Variants in ADGRL2 observed in about 807,000 individuals in gnomAD.
The protein encoded by ADGRL2 is calcium-independent alpha-latrotoxin receptor 2.
Under a neutral mutation model 157.4 loss-of-function variants are expected in ADGRL2, and 44 were observed. That is an observed-to-expected ratio of 0.28 (90% confidence interval 0.22 to 0.36). The LOEUF is 0.36. ADGRL2 is among the 10% of genes least tolerant of loss of function. The pLI is 1.00. For synonymous variants in ADGRL2, 585 were observed against 624.7 expected, an observed-to-expected ratio of 0.94 and a Z score of 0.95; for missense variants, 1,510 against 1,768.9, an observed-to-expected ratio of 0.85 and a Z score of 2.63.
chr1:81,493,642 T>A (rs562678942), intron 2 of ADGRL2, among the ~76,000 whole-genome samples: 2 of 152,300 alleles, frequency 1.3e-5, no homozygotes, highest in Admixed American at 6.5e-5. Context: ...AAGTAATTTC[T>A]ATTTAAGTCT....
At chr1:81,868,366 T>G (rs566395532) in intron 2 of ADGRL2, among the ~76,000 whole-genome samples, 21 of 152,054 alleles carry the variant, frequency 1.4e-4, no homozygotes, top group Non-Finnish European at 2.6e-4. Flanking sequence ...CCCCATAGCT[T>G]AGCAAAGTGA....
At chr1:81,873,644 G>T in intron 2 of ADGRL2, among the ~76,000 whole-genome samples, 1 of 152,024 alleles carries the variant, frequency 6.6e-6, no homozygotes, top group East Asian at 1.9e-4. Flanking sequence ...TGCTGATCAT[G>T]TTAGATAGCA....
upstream of ADGRL2, among the ~76,000 whole-genome samples, chr1:81,695,444 G>A (rs562693198): frequency 6.6e-6 from 1 of 152,010 alleles, no homozygotes; most frequent in Non-Finnish European, 1.5e-5. Flanking sequence ...ATTTCCATCT[G>A]GAAGGAAAGG....
intron 1 of ADGRL2, among the ~76,000 whole-genome samples, chr1:81,743,549 G>A (rs1207971314): frequency 6.6e-6 from 1 of 151,914 alleles, no homozygotes; most frequent in East Asian, 1.9e-4. Context: ...ATTATTATTA[G>A]AAGAATAAAA....
At chr1:81,573,820 C>T (rs910786631) in intron 2 of ADGRL2, among the ~76,000 whole-genome samples, 4 of 152,096 alleles carry the variant, frequency 2.6e-5, no homozygotes, top group Admixed American at 6.6e-5. Flanking sequence ...TTGAGTTTCT[C>T]TTATTATAAG....
intron 2 of ADGRL2, among the ~76,000 whole-genome samples, chr1:81,507,917 A>T (rs1316147736): frequency 2.4e-5 from 3 of 126,252 alleles, no homozygotes; most frequent in African/African-American, 1.4e-4. Flanking sequence ...AGATTACCTT[A>T]TTTAAAGACA....
At chr1:81,706,092 G>A (rs1006526288) in intron 1 of ADGRL2, among the ~76,000 whole-genome samples, 1 of 152,050 alleles carries the variant, frequency 6.6e-6, no homozygotes, top group African/African-American at 2.4e-5. Context: ...CCAGCTACTT[G>A]GGAGGCTGAG....
intron 3 of ADGRL2, among the ~76,000 whole-genome samples, chr1:81,613,550 G>C (rs1340203343): frequency 6.6e-6 from 1 of 152,110 alleles, no homozygotes; most frequent in Non-Finnish European, 1.5e-5. Flanking sequence ...GCAATGAAGA[G>C]TGCAGGGCAG....
In ADGRL2 at chr1:81,438,301, G is replaced by A. The variant is rs1289145925; in HGVS notation, c.-301-6735G>A. On this transcript the variant is annotated intron_variant, in intron 1 of 24. Coordinates refer to the ADGRL2 transcript ENST00000370721. ...ATTTGGCAAGCTGTTTGTTCCCCCA[G>A]AGAACCATTATTAATAAATAAATTG... is the stretch of plus-strand genomic sequence containing the variant. 2.0e-5 allele frequency among the ~76,000 whole-genome samples: 3 copies of A among 152,152 alleles called. No individual in the cohort carries two copies. In the South Asian group the frequency reaches 6.2e-4, roughly 32 times the overall value.
intron 2 of ADGRL2, among the ~76,000 whole-genome samples, chr1:81,482,250 A>G (rs2078404715): frequency 1.3e-5 from 2 of 152,166 alleles, no homozygotes; most frequent in African/African-American, 2.4e-5. Context: ...CCAAACAAAC[A>G]GAAAGTTTGA....
In ADGRL2 at chr1:81,586,293, A is replaced by G. The variant is rs373859764; in HGVS notation, c.-143+5313A>G. The G allele has an allele frequency of 1.2e-4, 18 of 152,128 alleles. No homozygotes were observed. The East Asian group carries it at 3.1e-3, about 26-fold the overall frequency. The allele number at this position is 152,128 out of a possible 1,614,324, so 9.4% of individuals were successfully genotyped here. On this transcript the variant is annotated intron_variant, in intron 3 of 24. Coordinates refer to the ADGRL2 transcript ENST00000370721. ...CAAACAGAAGGGGATAATCGGGCCA[A>G]TTCTTCTATTGTGCGCCCTCCTTCT...
At chr1:81,858,679 TC>T (rs1306464118) in intron 2 of ADGRL2, among the ~76,000 whole-genome samples, 1 of 152,116 alleles carries the variant, frequency 6.6e-6, no homozygotes, top group East Asian at 1.9e-4. Flanking sequence ...GTTGAGTACT[TC>T]CGTCAGGGAC....
chr1:81,671,372 T>C (rs1035048311), intron 3 of ADGRL2, among the ~76,000 whole-genome samples: 2 of 152,216 alleles, frequency 1.3e-5, no homozygotes, highest in African/African-American at 4.8e-5. Context: ...CCATCGGTTT[T>C]AAGGATGAGA....
intron 1 of ADGRL2, among the ~76,000 whole-genome samples, chr1:81,705,091 C>T (rs762418302): frequency 2.6e-5 from 4 of 152,124 alleles, no homozygotes; most frequent in Admixed American, 6.5e-5. Flanking sequence ...CCCGCTCTGT[C>T]GCCCAGGCTG....
intron 2 of ADGRL2, among the ~76,000 whole-genome samples, chr1:81,545,234 T>C (rs1201341812): frequency 1.3e-5 from 2 of 151,818 alleles, no homozygotes; most frequent in African/African-American, 2.4e-5. Context: ...ATATAAGTAG[T>C]GGGATTCAAA....
At chr1:81,332,027 CT>C (rs1661301785) in intron 1 of ADGRL2, among the ~76,000 whole-genome samples, 1 of 152,104 alleles carries the variant, frequency 6.6e-6, no homozygotes, top group South Asian at 2.1e-4. Context: ...AACACAAACT[CT>C]TTCCATGGGC....
At chr1:81,961,782 T>TTA (rs1655489322) in intron 11 of ADGRL2, among the ~76,000 whole-genome samples, 1 of 152,200 alleles carries the variant, frequency 6.6e-6, no homozygotes, top group Admixed American at 6.5e-5. Context: ...AGTGCTGGGA[T>TTA]TACAGGCATG....
chr1:81,818,131 C>T (rs186107812), intron 1 of ADGRL2, among the ~76,000 whole-genome samples: 16 of 152,118 alleles, frequency 1.1e-4, no homozygotes, highest in African/African-American at 3.9e-4. Context: ...AATCTTGCTA[C>T]TACACTCCAA....
chr1:81,861,635 TCCCAGCC>T lies in ADGRL2; in HGVS notation c.73+24580_73+24586del, dbSNP rs573727530. Among the ~76,000 whole-genome samples the T allele has an allele frequency of 1.6e-3, 249 of 152,334 alleles. 1 individual carries two copies. Among genetic ancestry groups the T allele is most frequent in the Non-Finnish European group, 2.7e-3 (184 of 68,032 alleles). Reference sequence around the variant, plus strand: ...CATGCACAGTGGCTCATGCCTGTTTTCCCAGCCCTTCAGGAGGCTGAGGCAGGTGGAT... The same window carrying T: ...CATGCACAGTGGCTCATGCCTGTTTTCTTCAGGAGGCTGAGGCAGGTGGAT... On this transcript the variant is annotated intron_variant, in intron 2 of 23. Coordinates refer to ENST00000686636, the MANE Select transcript of ADGRL2 (RefSeq NM_001366006.2).
Sources: allele counts gnomAD v4.1 joint callset (sites outside exome capture counted in the v4.1 genomes callset), GRCh38; gene constraint gnomAD v4.1.1; transcripts MANE v1.5; gene names NCBI Gene and HGNC (gene_info 2026-07-23, HGNC 2026-07-21).